DLG2: variants seen among roughly 807,000 people sequenced by gnomAD.
DLG2 encodes discs large MAGUK scaffold protein 2.
Under a neutral mutation model 132.5 loss-of-function variants are expected in DLG2, and 45 were observed. The ratio of observed to expected loss-of-function variants is 0.34; its 90% CI spans 0.27 to 0.44. The LOEUF is 0.44. DLG2 is among the 20% of genes least tolerant of loss of function. The probability of loss-of-function intolerance (pLI) is 1.00; values close to 1 mark genes in which losing one functional copy is unlikely to be tolerated. For synonymous variants in DLG2, 424 were observed against 419.6 expected, an observed-to-expected ratio of 1.01 and a Z score of -0.13; for missense variants, 1,045 against 1,196.9, an observed-to-expected ratio of 0.87 and a Z score of 1.87.
At chr11:85,179,741 A>C (rs756907103) in intron 4 of DLG2, among the ~76,000 whole-genome samples, 32 of 151,890 alleles carry the variant, frequency 2.1e-4, no homozygotes, top group Non-Finnish European at 4.1e-4. Context: ...ATTAGGACCC[A>C]CAATAATACA....
chr11:83,659,443 C>T (rs1360110328), intron 18 of DLG2, among the ~76,000 whole-genome samples: 2 of 152,172 alleles, frequency 1.3e-5, no homozygotes, highest in Non-Finnish European at 2.9e-5. Flanking sequence ...TACTCCTTTA[C>T]CCTTCTTTAC....
chr11:85,101,328 T>C (rs1213939514), intron 6 of DLG2, among the ~76,000 whole-genome samples: 2 of 152,116 alleles, frequency 1.3e-5, no homozygotes, highest in Non-Finnish European at 2.9e-5. Context: ...GGGTCTCTCA[T>C]GTTCAAACAT....
At chr11:84,642,284 T>G (rs529245159) in intron 6 of DLG2, among the ~76,000 whole-genome samples, 1 of 151,724 alleles carries the variant, frequency 6.6e-6, no homozygotes, top group South Asian at 2.1e-4. Flanking sequence ...CACAGCAAAG[T>G]CCTGAAAAAT....
chr11:85,464,514 T>A (rs1258582207), intron 3 of DLG2, among the ~76,000 whole-genome samples: 1 of 152,074 alleles, frequency 6.6e-6, no homozygotes, highest in Non-Finnish European at 1.5e-5. Flanking sequence ...TCAGCTGAGT[T>A]ACAGGTCACA....
At chr11:83,609,254 T>C (rs776797599) in intron 19 of DLG2, among the ~76,000 whole-genome samples, 1 of 152,220 alleles carries the variant, frequency 6.6e-6, no homozygotes, top group Non-Finnish European at 1.5e-5. Flanking sequence ...ACCCTAGACA[T>C]GCCCTTCTAT....
chr11:84,419,736 T>A (rs796928997), intron 7 of DLG2, among the ~76,000 whole-genome samples: 1 of 152,138 alleles, frequency 6.6e-6, no homozygotes, highest in African/African-American at 2.4e-5. Context: ...TGTGAGGTAA[T>A]CCCATTATAT....
chr11:85,618,281 AT>A (rs1354664296), intron 2 of DLG2, among the ~76,000 whole-genome samples: 1 of 152,160 alleles, frequency 6.6e-6, no homozygotes, highest in Non-Finnish European at 1.5e-5. Flanking sequence ...CAAAAAAAAA[AT>A]CTCTCCCTTA....
chr11:85,347,150 T>A (rs1270505533), intron 3 of DLG2, among the ~76,000 whole-genome samples: 1 of 152,072 alleles, frequency 6.6e-6, no homozygotes, highest in African/African-American at 2.4e-5. Context: ...CTTTTGGGGG[T>A]GCAGAAAATA....
intron 3 of DLG2, among the ~76,000 whole-genome samples, chr11:85,425,269 A>C (rs1368758992): frequency 6.6e-6 from 1 of 152,212 alleles, no homozygotes; most frequent in Non-Finnish European, 1.5e-5. Context: ...AAAAGAATGC[A>C]ACAGAGATGA....
intron 18 of DLG2, among the ~76,000 whole-genome samples, chr11:83,666,820 A>G (rs1241128156): frequency 6.6e-6 from 1 of 152,176 alleles, no homozygotes; most frequent in African/African-American, 2.4e-5. Flanking sequence ...GAAGGGGGCA[A>G]AATTCAAAGC....
chr11:83,887,188 T>G (rs1036827068), intron 15 of DLG2, among the ~76,000 whole-genome samples: 2 of 151,776 alleles, frequency 1.3e-5, no homozygotes, highest in Non-Finnish European at 2.9e-5. Flanking sequence ...TCAACAAAAT[T>G]GATAGACCAC....
intron 6 of DLG2, among the ~76,000 whole-genome samples, chr11:84,735,615 AT>A (rs952226717): frequency 2.4e-4 from 37 of 151,808 alleles, no homozygotes; most frequent in African/African-American, 8.9e-4. Flanking sequence ...TTTTTGAAGG[AT>A]TTTTTTCGTC....
chr11:85,101,847 A>G (rs2070896510), intron 6 of DLG2, among the ~76,000 whole-genome samples: 1 of 152,100 alleles, frequency 6.6e-6, no homozygotes, highest in Admixed American at 6.6e-5. Context: ...CCCATTATTA[A>G]AATTCCTTCA....
chr11:85,467,508 T>A (rs1003876197), intron 3 of DLG2, among the ~76,000 whole-genome samples: 1 of 152,222 alleles, frequency 6.6e-6, no homozygotes, highest in African/African-American at 2.4e-5. Context: ...TATTGGGAGT[T>A]TTTAGCATGA....
chr11:85,206,633 G>T (rs561508945), intron 4 of DLG2, among the ~76,000 whole-genome samples: 6 of 152,230 alleles, frequency 3.9e-5, no homozygotes, highest in Admixed American at 6.5e-5. Flanking sequence ...TCCTGAATTT[G>T]TAATGAAGTC....
chr11:85,068,709 G>A (rs868428529), intron 6 of DLG2, among the ~76,000 whole-genome samples: 1 of 152,230 alleles, frequency 6.6e-6, no homozygotes, highest in African/African-American at 2.4e-5. Flanking sequence ...TCAGTACTGT[G>A]AAAATGGCCA....
intron 17 of DLG2, among the ~76,000 whole-genome samples, chr11:83,799,631 T>C (rs1007102544): frequency 2.0e-5 from 3 of 152,076 alleles, no homozygotes; most frequent in African/African-American, 4.8e-5. Flanking sequence ...GTTGAGCAGA[T>C]TGAAAATGGG....
chr11:83,815,683 C>T (rs569245379), intron 17 of DLG2, among the ~76,000 whole-genome samples: 33 of 152,144 alleles, frequency 2.2e-4, no homozygotes, highest in African/African-American at 7.2e-4. Flanking sequence ...TGGGGCAAGC[C>T]GAAAGAACCT....
At chr11:83,572,237 A>G (rs1299111254) in intron 19 of DLG2, among the ~76,000 whole-genome samples, 1 of 152,152 alleles carries the variant, frequency 6.6e-6, no homozygotes, top group Non-Finnish European at 1.5e-5. Flanking sequence ...TGAAAAGCAT[A>G]CACCCTTTGG....
Sources: gnomAD v4.1 joint callset for allele counts (sites outside exome capture counted in the v4.1 genomes callset) on GRCh38, gnomAD v4.1.1 for gene constraint, MANE v1.5 for transcripts, NCBI Gene and HGNC (gene_info 2026-07-23, HGNC 2026-07-21) for gene names.